The following LRRC37A2 variants were observed in gnomAD, a reference collection of about 807,000 sequenced individuals.
LRRC37A2 encodes the protein leucine rich repeat containing 37 member A2.
In LRRC37A2, 9 loss-of-function variants were observed where a neutral mutation model predicts 68.8. That is an observed-to-expected ratio of 0.13 (90% CI 0.08 to 0.23). LRRC37A2 has a LOEUF of 0.23. LRRC37A2 is among the 10% of genes least tolerant of loss of function. LRRC37A2 has a pLI of 1.00. For missense variants in LRRC37A2, 168 were observed against 950.4 expected, an observed-to-expected ratio of 0.18 and a Z score of 10.82; for synonymous variants, 63 against 367.6, an observed-to-expected ratio of 0.17 and a Z score of 9.48.
the LRRC37A2 span, among the ~76,000 whole-genome samples, chr17:46,852,294 G>T: frequency 2.0e-5 from 3 of 152,104 alleles, no homozygotes; most frequent in African/African-American, 7.2e-5. Flanking sequence ...AGCTGGAGAC[G>T]CAGGAAGGAA....
the LRRC37A2 span, among the ~76,000 whole-genome samples, chr17:46,780,167 A>G: frequency 2.0e-5 from 3 of 152,232 alleles, no homozygotes; most frequent in African/African-American, 4.8e-5. Context: ...CACCCTGTAC[A>G]GTGCGTCCTG....
At chr17:46,979,076 T>C in the LRRC37A2 span, 15 of 1,310,756 alleles carry the variant, frequency 1.1e-5, no homozygotes, top group East Asian at 4.8e-4. Flanking sequence ...GGGTCCGCGC[T>C]CTCAGGGACG....
chr17:46,750,393 G>T, the LRRC37A2 span, among the ~76,000 whole-genome samples: 1 of 152,116 alleles, frequency 6.6e-6, no homozygotes, highest in Non-Finnish European at 1.5e-5. Flanking sequence ...TCAGATTTCA[G>T]ATTTTTTCAG....
At chr17:46,883,345 C>T in the LRRC37A2 span, among the ~76,000 whole-genome samples, 1 of 147,118 alleles carries the variant, frequency 6.8e-6, no homozygotes, top group Non-Finnish European at 1.5e-5. Context: ...AGTGCAATGG[C>T]GCAATCTTGG....
At chr17:46,575,473 G>C in the LRRC37A2 span, among the ~76,000 whole-genome samples, 1 of 147,268 alleles carries the variant, frequency 6.8e-6, no homozygotes, top group Non-Finnish European at 1.5e-5. Context: ...AGCTGGAACA[G>C]AGGCTGACTG....
chr17:46,977,657 A>G, the LRRC37A2 span, among the ~76,000 whole-genome samples: 1 of 152,176 alleles, frequency 6.6e-6, no homozygotes, highest in Non-Finnish European at 1.5e-5. Context: ...CTTCCTCACC[A>G]CAAAGCCGCC....
the LRRC37A2 span, among the ~76,000 whole-genome samples, chr17:46,825,181 G>C: frequency 1.3e-5 from 2 of 152,230 alleles, no homozygotes; most frequent in African/African-American, 4.8e-5. Context: ...GATCCTACCT[G>C]AGGAGTTAGA....
the LRRC37A2 span, among the ~76,000 whole-genome samples, chr17:46,830,243 G>A: frequency 1.3e-5 from 2 of 152,146 alleles, no homozygotes; most frequent in African/African-American, 4.8e-5. Context: ...TGGTAATGTG[G>A]GAAATCATAT....
At chr17:47,001,247 G>A in the LRRC37A2 span, among the ~76,000 whole-genome samples, 1 of 152,170 alleles carries the variant, frequency 6.6e-6, no homozygotes, top group African/African-American at 2.4e-5. Flanking sequence ...GGAGCACAGA[G>A]CAAGGAATAC....
chr17:46,784,335 C>A, the LRRC37A2 span, among the ~76,000 whole-genome samples: 3 of 152,144 alleles, frequency 2.0e-5, no homozygotes, highest in Non-Finnish European at 4.4e-5. Context: ...GCCAGAGGGA[C>A]TTCCAGGCAC....
chr17:46,375,111 ACT>A, the LRRC37A2 span, among the ~76,000 whole-genome samples: 1 of 65,000 alleles, frequency 1.5e-5, no homozygotes, highest in Non-Finnish European at 3.4e-5. Flanking sequence ...AGGGCCAAAG[ACT>A]CTGGTTTGGG....
At chr17:46,723,935 C>T in the LRRC37A2 span, among the ~76,000 whole-genome samples, 1 of 152,176 alleles carries the variant, frequency 6.6e-6, no homozygotes, top group South Asian at 2.1e-4. Context: ...ATTGCCTTTA[C>T]AGTAAAATTT....
chr17:46,983,271 T>A, the LRRC37A2 span, among the ~76,000 whole-genome samples: 1 of 151,056 alleles, frequency 6.6e-6, no homozygotes, highest in Admixed American at 6.6e-5. Context: ...CTTCTGTGGT[T>A]TCTGTCTGCC....
the LRRC37A2 span, among the ~76,000 whole-genome samples, chr17:46,840,011 CTTTCTTTCTTTCTTTCTTTCT>C: frequency 4.8e-5 from 4 of 82,940 alleles, no homozygotes; most frequent in African/African-American, 2.1e-4. Flanking sequence ...TTCTTTCTTT[CTTTCTTTCTTTCTTTCTTTCT>C]TTTCTTTCTT....
chr17:46,855,889 A>G, the LRRC37A2 span, among the ~76,000 whole-genome samples: 1 of 152,014 alleles, frequency 6.6e-6, no homozygotes, highest in Non-Finnish European at 1.5e-5. Flanking sequence ...AGTAGAGACC[A>G]TGTTGATCAG....
chr17:46,977,581 C>T, the LRRC37A2 span, among the ~76,000 whole-genome samples: 1 of 152,218 alleles, frequency 6.6e-6, no homozygotes, highest in Non-Finnish European at 1.5e-5. Context: ...ATGGGAGGCT[C>T]CAAGTCCCCT....
the LRRC37A2 span, among the ~76,000 whole-genome samples, chr17:46,983,289 CTTTTTTTTTTTTTT>C: frequency 6.0e-4 from 46 of 76,870 alleles, no homozygotes; most frequent in African/African-American, 2.4e-3. Context: ...GCCCTTTCTT[CTTTTTTTTTTTTTT>C]TTTTTTTTTT....
At chr17:46,952,917 C>T in the LRRC37A2 span, 4 of 152,172 alleles carry the variant, frequency 2.6e-5, no homozygotes, top group Admixed American at 6.5e-5. Context: ...CTTTCCCTGC[C>T]TCTGTTCTCT....
chr17:46,779,231 C>T, the LRRC37A2 span, among the ~76,000 whole-genome samples: 5 of 152,166 alleles, frequency 3.3e-5, no homozygotes, highest in Non-Finnish European at 7.3e-5. Flanking sequence ...TCCCGGCATC[C>T]GGAGCTTCCG....
Sources: allele counts gnomAD v4.1 joint callset (sites outside exome capture counted in the v4.1 genomes callset), GRCh38; gene constraint gnomAD v4.1.1; transcripts MANE v1.5; gene names NCBI Gene and HGNC (gene_info 2026-07-23, HGNC 2026-07-21).